NSUN4: variants seen among roughly 807,000 people sequenced by gnomAD.
NSUN4 encodes NOP2/Sun RNA methyltransferase 4.
NSUN4 carries 31 observed loss-of-function variants against 43.8 expected under a neutral mutation model. The ratio of observed to expected loss-of-function variants is 0.71; its 90% confidence interval spans 0.53 to 0.96. The LOEUF is 0.96. Ranked by LOEUF, NSUN4 falls within the 40% of genes least tolerant of loss-of-function variation. The pLI is 0.00. For synonymous variants in NSUN4, 167 were observed against 184.1 expected (o/e 0.91, Z 0.75); for missense variants, 439 against 475.6 (o/e 0.92, Z 0.72).
At chr1:46,365,177 G>C (rs1231030680), downstream of NSUN4, 1 of 152,088 alleles carries the variant, frequency 6.6e-6, no homozygotes, top group Non-Finnish European at 1.5e-5. Context: ...TTAATGTTTT[G>C]TTCCTTTTTA....
At chr1:46,357,703 G>C (rs1164495857) in intron 4 of NSUN4, among the ~76,000 whole-genome samples, 1 of 152,062 alleles carries the variant, frequency 6.6e-6, no homozygotes, top group African/African-American at 2.4e-5. Context: ...TTGGGTTGGG[G>C]AAACTCCTAC....
intron 4 of NSUN4, 43 bp downstream of exon 4, chr1:46,353,071 G>T (rs745607362): frequency 6.3e-7 from 1 of 1,590,096 alleles, no homozygotes; most frequent in South Asian, 1.1e-5. Context: ...GCTTAATGCG[G>T]CCTCCCCATC....
chr1:46,342,056 C>T (rs1190813557), intron 1 of NSUN4: 2 of 856,336 alleles, frequency 2.3e-6, no homozygotes, highest in East Asian at 6.7e-5. Flanking sequence ...CACATAGGAC[C>T]CCGGGAACTT....
chr1:46,380,057 T>G, the NSUN4 span, among the ~76,000 whole-genome samples: 1,574 of 152,224 alleles, frequency 0.01, 32 homozygotes, highest in African/African-American at 0.036. Flanking sequence ...TGGGAAAGGC[T>G]CACAGAAGAG....
intron 4 of NSUN4, among the ~76,000 whole-genome samples, chr1:46,357,661 T>C (rs1443602225): frequency 6.6e-6 from 1 of 151,878 alleles, no homozygotes; most frequent in Non-Finnish European, 1.5e-5. Context: ...TGAGAAGGAG[T>C]AAGGAAAGAG....
downstream of NSUN4, among the ~76,000 whole-genome samples, chr1:46,366,361 T>C (rs1436131205): frequency 1.3e-5 from 2 of 152,118 alleles, no homozygotes; most frequent in East Asian, 3.8e-4. Context: ...AGGATGGGGC[T>C]GGAGGGAACA....
At chr1:46,351,571 A>G (rs917266040) in intron 3 of NSUN4, among the ~76,000 whole-genome samples, 2 of 151,804 alleles carry the variant, frequency 1.3e-5, no homozygotes, top group Admixed American at 6.6e-5. Flanking sequence ...CACACCCATC[A>G]TCCCAGCACT....
the NSUN4 span, chr1:46,370,723 G>A: frequency 6.6e-6 from 1 of 152,086 alleles, no homozygotes; most frequent in Admixed American, 6.6e-5. Flanking sequence ...TCAAAGAAAA[G>A]GTGTCCTGTG....
chr1:46,361,702 G>T lies in NSUN4; in HGVS notation c.1011G>T (p.Gln337His). Residue 337 changes from glutamine to histidine, a missense_variant, in exon 6 of 6, where the codon CAG becomes CAT. Physicochemically the swap from Gln to His is conservative, Grantham distance 24. Coordinates refer to ENST00000474844, the MANE Select transcript of NSUN4 (RefSeq NM_199044.4). Reference protein sequence around the residue: ...LLANQYSIQVQVEDLTHFRRV... With the variant: ...LLANQYSIQVHVEDLTHFRRV... ...CCAATCAATACAGCATCCAGGTACA[G>T]GTGGAAGATCTGACTCACTTCCGAA... 2 of 1,614,228 alleles carry T rather than the reference G, an allele frequency of 1.2e-6. No individual in the cohort carries two copies. The highest frequency in any genetic ancestry group is 1.7e-6 in the Non-Finnish European group (2 of 1,180,046).
Position 46,364,873 on chromosome 1 carries a change from C to T in NSUN4, c.*3027C>T, listed in dbSNP as rs1013283516. The T allele has an allele frequency of 6.6e-6, 1 of 152,182 alleles. No individual in the cohort carries two copies. The highest frequency in any genetic ancestry group is 2.1e-4 in the South Asian group (1 of 4,828). 9.4% of individuals were successfully genotyped at this position (152,182 alleles called of 1,614,324 possible). ...TCACATAGATCATGATGATTCAATC[C>T]AAAGGCACTTTGCAGTGCAGTCCAC... On this transcript the variant is annotated 3_prime_UTR_variant, in exon 6 of 6. Transcript: ENST00000474844.
intron 4 of NSUN4, among the ~76,000 whole-genome samples, chr1:46,356,371 G>A (rs1387438211): frequency 6.0e-5 from 9 of 149,470 alleles, no homozygotes; most frequent in African/African-American, 9.8e-5. Flanking sequence ...GTGCCCAGCC[G>A]TGTTAAGCAC....
chr1:46,361,489 T>C, intron 5 of NSUN4, 81 bp from the exon 6 acceptor site: 1 of 1,314,100 alleles, frequency 7.6e-7, no homozygotes, highest in Non-Finnish European at 1.1e-6. Flanking sequence ...CCTTCCCTTA[T>C]CCATGTTTCC....
intron 4 of NSUN4, among the ~76,000 whole-genome samples, chr1:46,354,510 G>A (rs113111433): frequency 0.01 from 1,572 of 152,146 alleles, 31 homozygotes; most frequent in African/African-American, 0.036. Flanking sequence ...TGTTGTCTCT[G>A]TGTTGTCACC....
the NSUN4 span, among the ~76,000 whole-genome samples, chr1:46,375,594 AG>A: frequency 6.6e-6 from 1 of 152,000 alleles, no homozygotes; most frequent in Admixed American, 6.6e-5. Context: ...AAAATTAGCC[AG>A]GCGTGATGGT....
intron 3 of NSUN4, among the ~76,000 whole-genome samples, chr1:46,352,590 AG>A (rs1317766641): frequency 1.3e-5 from 2 of 151,786 alleles, no homozygotes; most frequent in Middle Eastern, 3.2e-3. Flanking sequence ...AAGGGGAGAA[AG>A]GGGAGAGAGG....
At position 46,341,094 on chromosome 1, in the gene NSUN4, C is replaced by T. The variant is rs1278308805; in HGVS notation, c.93+175C>T. The T allele has an allele frequency of 2.2e-5, 27 of 1,203,266 alleles. No individual in the cohort carries two copies. The East Asian group carries it at 7.2e-4, about 32-fold the overall frequency. 74.5% of individuals were successfully genotyped at this position (1,203,266 alleles called of 1,614,324 possible). A position where few individuals can be genotyped will look rare whatever the true frequency, so the allele number is the denominator to read the frequency against. On this transcript the variant is annotated intron_variant, in intron 1 of 5. Coordinates refer to ENST00000474844, the MANE Select transcript of NSUN4 (RefSeq NM_199044.4). ...CCGCCTCTGTCCGCACTCTATGTCC[C>T]GAGCGTTAGTGTCTTCCACTTGTTA...
chr1:46,359,653 C>T (rs1036403856), intron 4 of NSUN4, among the ~76,000 whole-genome samples: 5 of 150,990 alleles, frequency 3.3e-5, no homozygotes, highest in South Asian at 2.1e-4. Context: ...CAAGTTCAAG[C>T]GATTCTCCTG....
At chr1:46,377,544 T>C in the NSUN4 span, among the ~76,000 whole-genome samples, 60,048 of 152,062 alleles carry the variant, frequency 0.39, 11,993 homozygotes, top group South Asian at 0.51. Flanking sequence ...TTCTCCCACA[T>C]CAACTTGGAT....
rs1663339133 is a variant in NSUN4 at position 46,355,992 on chromosome 1, G to A, written c.753+2964G>A. On this transcript the variant is annotated intron_variant, in intron 4 of 5. Transcript: ENST00000474844. ...TCGCGCCATTGCATTCCAGCCTGGGGAACAAGAGTGAGACTTTGTCTCAAA... is the reference window on the plus strand; with the variant it reads ...TCGCGCCATTGCATTCCAGCCTGGGAAACAAGAGTGAGACTTTGTCTCAAA... Among the ~76,000 whole-genome samples, 3 of 149,540 alleles carry A rather than the reference G, an allele frequency of 2.0e-5. No individual in the cohort carries two copies. The South Asian group carries it at 6.4e-4, about 32-fold the overall frequency.
Sources: allele counts gnomAD v4.1 joint callset (sites outside exome capture counted in the v4.1 genomes callset), GRCh38; gene constraint gnomAD v4.1.1; transcripts MANE v1.5; gene names NCBI Gene and HGNC (gene_info 2026-07-23, HGNC 2026-07-21).